The following UVRAG variants were observed in gnomAD, a reference collection of about 807,000 sequenced individuals.
UVRAG encodes UV radiation resistance-associated gene protein.
Under a neutral mutation model 78.0 loss-of-function variants are expected in UVRAG, and 19 were observed. The ratio of observed to expected loss-of-function variants is 0.24; its 90% confidence interval spans 0.17 to 0.36. UVRAG has a LOEUF of 0.36. Ranked by LOEUF, UVRAG falls within the 10% of genes least tolerant of loss-of-function variation. UVRAG has a pLI of 1.00. For missense variants in UVRAG, 740 were observed against 853.8 expected, an observed-to-expected ratio of 0.87 and a Z score of 1.66; for synonymous variants, 323 against 324.6, an observed-to-expected ratio of 1.00 and a Z score of 0.05.
chr11:76,120,786 C>T (rs571763100), intron 14 of UVRAG, among the ~76,000 whole-genome samples: 4 of 152,248 alleles, frequency 2.6e-5, no homozygotes, highest in Non-Finnish European at 4.4e-5. Flanking sequence ...TAAACAAAGC[C>T]GGAGCAAGCA....
At chr11:75,995,501 G>GAAAAA (rs71471398) in intron 8 of UVRAG, among the ~76,000 whole-genome samples, 2 of 120,052 alleles carry the variant, frequency 1.7e-5, no homozygotes, top group African/African-American at 5.7e-5. Context: ...TTGTCATTTT[G>GAAAAA]AAAAAAAAAA....
At position 75,815,436 on chromosome 11, in the gene UVRAG, C is replaced by T; in HGVS notation, c.29C>T (p.Pro10Leu). The T allele has an allele frequency of 8.0e-7, 1 of 1,247,304 alleles. No homozygotes were observed. The highest frequency in any genetic ancestry group is 3.2e-5 in the South Asian group (1 of 30,926). 77.3% of individuals were successfully genotyped at this position (1,247,304 alleles called of 1,614,324 possible). MSASASVGG[P>L]VPQPPPGPAA... is the part of the protein sequence containing the mutation. ...AGCGCCTCCGCGTCGGTCGGGGGCCCCGTCCCCCAGCCACCCCCGGGCCCG... is the reference window on the plus strand; with the variant it reads ...AGCGCCTCCGCGTCGGTCGGGGGCCTCGTCCCCCAGCCACCCCCGGGCCCG... The change falls in exon 1 of 15, where the codon CCC becomes CTC. Residue 10 changes from proline to leucine, a missense_variant. Physicochemically the swap from Pro to Leu is moderately conservative, Grantham distance 98. Coordinates refer to ENST00000356136, the MANE Select transcript of UVRAG (RefSeq NM_003369.4).
chr11:76,020,532 G>C (rs1362687565), intron 12 of UVRAG, among the ~76,000 whole-genome samples: 1 of 151,884 alleles, frequency 6.6e-6, no homozygotes, highest in Non-Finnish European at 1.5e-5. Flanking sequence ...TCATCTGGGA[G>C]CTAGGGCCTG....
chr11:75,962,800 C>T (rs1021340144), intron 7 of UVRAG, among the ~76,000 whole-genome samples: 1 of 152,016 alleles, frequency 6.6e-6, no homozygotes. Flanking sequence ...TTTTTGTTTT[C>T]CTCTCCCAAG....
chr11:76,114,450 G>A (rs182273018), intron 13 of UVRAG, among the ~76,000 whole-genome samples: 1 of 152,282 alleles, frequency 6.6e-6, no homozygotes, highest in African/African-American at 2.4e-5. Flanking sequence ...GGCCCTGGCT[G>A]ATAATATCTT....
chr11:75,965,950 G>A (rs1949014880), intron 7 of UVRAG, among the ~76,000 whole-genome samples: 3 of 151,938 alleles, frequency 2.0e-5, no homozygotes. Context: ...TCCTCACCTT[G>A]TTCCTGGTTT....
At chr11:76,094,456 C>T (rs185371259) in intron 13 of UVRAG, among the ~76,000 whole-genome samples, 3 of 152,184 alleles carry the variant, frequency 2.0e-5, no homozygotes, top group Non-Finnish European at 2.9e-5. Flanking sequence ...CTTGTACCTC[C>T]GGTAGAATTT....
intron 13 of UVRAG, among the ~76,000 whole-genome samples, chr11:76,113,494 G>T (rs528761150): frequency 5.3e-5 from 8 of 152,130 alleles, no homozygotes; most frequent in Non-Finnish European, 8.8e-5. Context: ...CAGCTAAAAG[G>T]TGTTCTCAGA....
chr11:75,828,797 ATATATATATT>A (rs1945589353), intron 1 of UVRAG, among the ~76,000 whole-genome samples: 5 of 95,558 alleles, frequency 5.2e-5, no homozygotes, highest in African/African-American at 2.3e-4. Context: ...ATATATATAT[ATATATATATT>A]TTTTTTTTTT....
At chr11:76,006,158 C>G (rs1286904979) in intron 9 of UVRAG, among the ~76,000 whole-genome samples, 2 of 152,120 alleles carry the variant, frequency 1.3e-5, no homozygotes, top group Non-Finnish European at 2.9e-5. Context: ...TAATGAATAG[C>G]AAAAGACACT....
chr11:75,916,254 G>A (rs1354911344), intron 6 of UVRAG: 1 of 152,160 alleles, frequency 6.6e-6, no homozygotes, highest in East Asian at 1.9e-4. Flanking sequence ...GCAAGACTTT[G>A]AGCAAGTAAC....
At chr11:75,922,987 TATAC>T in intron 6 of UVRAG, among the ~76,000 whole-genome samples, 1 of 145,092 alleles carries the variant, frequency 6.9e-6, no homozygotes, top group South Asian at 2.1e-4. Flanking sequence ...AAAAAATATA[TATAC>T]ATATATTTTT....
At chr11:76,120,309 A>G (rs2134475839) in intron 14 of UVRAG, among the ~76,000 whole-genome samples, 1 of 152,366 alleles carries the variant, frequency 6.6e-6, no homozygotes, top group Non-Finnish European at 1.5e-5. Context: ...AACAAATCAC[A>G]ACAAATTACT....
At chr11:76,087,322 TG>T (rs1951605374) in intron 13 of UVRAG, among the ~76,000 whole-genome samples, 1 of 152,238 alleles carries the variant, frequency 6.6e-6, no homozygotes, top group African/African-American at 2.4e-5. Flanking sequence ...GTGAGCAGTA[TG>T]GTAGGTAGTG....
chr11:75,863,272 A>G (rs1337024152), intron 3 of UVRAG, among the ~76,000 whole-genome samples: 1 of 152,222 alleles, frequency 6.6e-6, no homozygotes, highest in Non-Finnish European at 1.5e-5. Context: ...TGCTTGATGT[A>G]TAATAGTTAC....
At chr11:75,950,813 C>T (rs1364593862) in intron 6 of UVRAG, among the ~76,000 whole-genome samples, 1 of 152,048 alleles carries the variant, frequency 6.6e-6, no homozygotes, top group Non-Finnish European at 1.5e-5. Flanking sequence ...TTATGAGCAC[C>T]ATTTCATGTG....
chr11:76,109,484 T>TA (rs1279698972), intron 13 of UVRAG, among the ~76,000 whole-genome samples: 3 of 152,210 alleles, frequency 2.0e-5, no homozygotes, highest in African/African-American at 7.2e-5. Context: ...ATTGAACTCT[T>TA]ACAACTATCT....
intron 13 of UVRAG, among the ~76,000 whole-genome samples, chr11:76,115,136 G>T (rs567450761): frequency 6.6e-6 from 1 of 152,274 alleles, no homozygotes; most frequent in East Asian, 1.9e-4. Context: ...GATACTCAGA[G>T]ACACAGTGAA....
intron 6 of UVRAG, among the ~76,000 whole-genome samples, chr11:75,920,423 AT>A (rs1947955447): frequency 6.6e-6 from 1 of 152,168 alleles, no homozygotes; most frequent in Non-Finnish European, 1.5e-5. Flanking sequence ...TACATATACT[AT>A]AAATATATCT....
Sources: gnomAD v4.1 joint callset for allele counts (sites outside exome capture counted in the v4.1 genomes callset) on GRCh38, gnomAD v4.1.1 for gene constraint, MANE v1.5 for transcripts, NCBI Gene and HGNC (gene_info 2026-07-23, HGNC 2026-07-21) for gene names.